Variants in SOBP observed in about 807,000 individuals in gnomAD.
SOBP encodes sine oculis binding protein homolog.
In SOBP, 4 loss-of-function variants were observed where a neutral mutation model predicts 53.6. The ratio of observed to expected loss-of-function variants is 0.07; its 90% CI spans 0.04 to 0.17. The LOEUF is 0.17. Ranked by LOEUF, SOBP falls within the 10% of genes least tolerant of loss-of-function variation. The pLI, the probability that SOBP is intolerant of heterozygous loss-of-function variation, is 1.00. For missense variants in SOBP, 1,088 were observed against 1,204.7 expected (o/e 0.90, Z 1.43); for synonymous variants, 584 against 522.6 (o/e 1.12, Z -1.60).
intron 4 of SOBP, among the ~76,000 whole-genome samples, chr6:107,546,649 T>C (rs1424894216): frequency 6.6e-6 from 1 of 152,202 alleles, no homozygotes; most frequent in Non-Finnish European, 1.5e-5. Flanking sequence ...AGCCAGACTC[T>C]AAGGAATGAC....
At chr6:107,600,386 A>G (rs1786135133) in intron 5 of SOBP, among the ~76,000 whole-genome samples, 1 of 152,232 alleles carries the variant, frequency 6.6e-6, no homozygotes, top group Admixed American at 6.5e-5. Flanking sequence ...CCTTGCTGCT[A>G]GGAGACTGGT....
intron 4 of SOBP, among the ~76,000 whole-genome samples, chr6:107,562,064 T>A (rs1298121631): frequency 1.3e-5 from 2 of 150,710 alleles, no homozygotes; most frequent in African/African-American, 2.4e-5. Context: ...AGGGTCTCAC[T>A]TTGTCGCCCA....
chr6:107,499,089 G>T lies in SOBP; in HGVS notation c.97-4568G>T, dbSNP rs1424965388. 2.0e-5 allele frequency among the ~76,000 whole-genome samples: 3 copies of T among 152,138 alleles called. No individual in the cohort carries two copies. In the East Asian group the frequency reaches 5.8e-4, roughly 29 times the overall value. On this transcript the variant is annotated intron_variant, in intron 1 of 6. Transcript: ENST00000317357. The stretch of plus-strand genomic sequence containing the variant: ...CCTGTTTAGAAATCTCTTTATATAT[G>T]ATATTGACATTCTCTTGCATGATAT...
intron 1 of SOBP, among the ~76,000 whole-genome samples, chr6:107,500,563 C>T (rs1051445742): frequency 1.3e-5 from 2 of 151,788 alleles, no homozygotes; most frequent in African/African-American, 2.4e-5. Flanking sequence ...TCTCTGTCGC[C>T]CAGGCTGGAG....
chr6:107,506,780 A>G (rs1235201009), intron 3 of SOBP, among the ~76,000 whole-genome samples: 2 of 152,154 alleles, frequency 1.3e-5, no homozygotes, highest in Non-Finnish European at 2.9e-5. Flanking sequence ...AAGAAAAAAA[A>G]GTAACCATGG....
chr6:107,560,538 G>A (rs2115024190), intron 4 of SOBP, among the ~76,000 whole-genome samples: 1 of 152,170 alleles, frequency 6.6e-6, no homozygotes, highest in Middle Eastern at 3.4e-3. Context: ...ACCCCTAACA[G>A]GTAGCATCCT....
At chr6:107,614,782 T>A (rs1786721041) in intron 5 of SOBP, among the ~76,000 whole-genome samples, 1 of 152,248 alleles carries the variant, frequency 6.6e-6, no homozygotes, top group South Asian at 2.1e-4. Context: ...GGATTGTTAT[T>A]TGCTGAATGC....
At chr6:107,626,798 C>T (rs573528791) in intron 5 of SOBP, among the ~76,000 whole-genome samples, 14 of 150,242 alleles carry the variant, frequency 9.3e-5, no homozygotes, top group Non-Finnish European at 2.1e-4. Flanking sequence ...TCCCAGTTTC[C>T]TTTCTTTCTC....
chr6:107,596,505 T>G (rs1293369046), intron 5 of SOBP, among the ~76,000 whole-genome samples: 1 of 152,250 alleles, frequency 6.6e-6, no homozygotes, highest in African/African-American at 2.4e-5. Context: ...CTATCTTGGC[T>G]GAGCATTTTA....
At chr6:107,522,404 AG>A (rs1256435894) in intron 3 of SOBP, among the ~76,000 whole-genome samples, 1 of 152,114 alleles carries the variant, frequency 6.6e-6, no homozygotes, top group Non-Finnish European at 1.5e-5. Context: ...TTTGGGCAAG[AG>A]GTATTGGTGG....
chr6:107,496,770 G>T (rs1044503755), intron 1 of SOBP, among the ~76,000 whole-genome samples: 6 of 152,210 alleles, frequency 3.9e-5, no homozygotes, highest in Non-Finnish European at 7.3e-5. Flanking sequence ...GGTCATCTGT[G>T]GGGGTGGCTC....
intron 5 of SOBP, among the ~76,000 whole-genome samples, chr6:107,603,818 A>C (rs1220833695): frequency 2.0e-5 from 3 of 152,176 alleles, no homozygotes; most frequent in Non-Finnish European, 2.9e-5. Context: ...AGAGTTCCCC[A>C]AATCCCCAGC....
At chr6:107,598,541 G>A (rs1189742755) in intron 5 of SOBP, among the ~76,000 whole-genome samples, 3 of 152,220 alleles carry the variant, frequency 2.0e-5, no homozygotes, top group Admixed American at 2.0e-4. Flanking sequence ...AATGAATTCA[G>A]TAGGTTGTGG....
At chr6:107,492,238 TA>T (rs1369672079) in intron 1 of SOBP, among the ~76,000 whole-genome samples, 2 of 152,118 alleles carry the variant, frequency 1.3e-5, no homozygotes, top group African/African-American at 4.8e-5. Context: ...AAACAGTCCA[TA>T]ATAACCATTC....
chr6:107,601,433 A>C (rs1283023012), intron 5 of SOBP, among the ~76,000 whole-genome samples: 2 of 152,256 alleles, frequency 1.3e-5, no homozygotes, highest in African/African-American at 2.4e-5. Flanking sequence ...AGAAGGTATC[A>C]AATATTGTAG....
chr6:107,626,331 C>T lies in SOBP; in HGVS notation c.670-7183C>T, dbSNP rs1318439742. Among the ~76,000 whole-genome samples, 3 of 152,190 alleles carry T rather than the reference C, an allele frequency of 2.0e-5. No homozygotes were observed. In the South Asian group the frequency reaches 6.2e-4, roughly 32 times the overall value. ...ATTGCTAATAGACAGATTTTGAACT[C>T]TGCAAGGGCAGGTGTACTAAGTCTC... On this transcript the variant is annotated intron_variant, in intron 5 of 6. Coordinates refer to ENST00000317357, the MANE Select transcript of SOBP (RefSeq NM_018013.4).
intron 4 of SOBP, among the ~76,000 whole-genome samples, chr6:107,575,133 G>A (rs1320472652): frequency 6.6e-6 from 1 of 152,086 alleles, no homozygotes; most frequent in Non-Finnish European, 1.5e-5. Context: ...GCCTTTTATG[G>A]GCTCTTTGGT....
At chr6:107,492,885 A>G (rs1453547004) in intron 1 of SOBP, among the ~76,000 whole-genome samples, 1 of 152,110 alleles carries the variant, frequency 6.6e-6, no homozygotes, top group Admixed American at 6.6e-5. Context: ...AATACCCCTA[A>G]CCAAAAATTT....
At chr6:107,568,607 G>T (rs946509345) in intron 4 of SOBP, among the ~76,000 whole-genome samples, 1 of 152,202 alleles carries the variant, frequency 6.6e-6, no homozygotes, top group Admixed American at 6.5e-5. Flanking sequence ...TTGCCCAGAC[G>T]AAAGGGTTAG....
Sources: allele counts gnomAD v4.1 joint callset (sites outside exome capture counted in the v4.1 genomes callset), GRCh38; gene constraint gnomAD v4.1.1; transcripts MANE v1.5; gene names NCBI Gene and HGNC (gene_info 2026-07-23, HGNC 2026-07-21).